Variants in GBA2 observed in about 807,000 individuals in gnomAD.
GBA2 encodes non-lysosomal glucosylceramidase.
A neutral mutation model predicts 112.9 loss-of-function variants in GBA2; 79 were observed. The ratio of observed to expected loss-of-function variants is 0.70; its 90% CI spans 0.58 to 0.84. The LOEUF (loss-of-function observed/expected upper bound fraction) is 0.84. GBA2 is among the 40% of genes least tolerant of loss of function. GBA2 has a pLI of 0.00. For synonymous variants in GBA2, 403 were observed against 434.3 expected (o/e 0.93, Z 0.90); for missense variants, 1,043 against 1,190.0 (o/e 0.88, Z 1.82).
chr9:35,740,545 T>C lies in GBA2; in HGVS notation c.1110A>G (p.Gly370=). Residue 370 remains glycine, a synonymous_variant, in exon 6 of 17, where the codon GGA becomes GGG. Coordinates refer to ENST00000378103, the MANE Select transcript of GBA2 (RefSeq NM_020944.3). The surrounding 1 kb of genome is among the most constrained non-coding windows in gnomAD (Gnocchi z 4.7). ...CATCACCAGTGGGAGAGTCCAGCTGTCCATCCTGAAGTAGATCCTGCCACA... is the reference window on the plus strand; with the variant it reads ...CATCACCAGTGGGAGAGTCCAGCTGCCCATCCTGAAGTAGATCCTGCCACA... ...QQVWQDLLQD[G]QLDSPTGQST... 1 of 1,612,734 alleles carries C rather than the reference T, an allele frequency of 6.2e-7. No individual in the cohort carries two copies. The highest frequency in any genetic ancestry group is 8.5e-7 in the Non-Finnish European group (1 of 1,178,768).
chr9:35,740,797 TAAG>T lies in GBA2; in HGVS notation c.1026+25_1026+27del. The T allele has an allele frequency of 6.2e-7, 1 of 1,612,386 alleles. No individual in the cohort carries two copies. The highest frequency in any genetic ancestry group is 1.3e-5 in the African/African-American group (1 of 74,970). Reference sequence around the variant, plus strand: ...TGGGGTGGAGGTGGGGTTCAGGGGCTAAGGTATAGGGCAGGCTCTTTCCTTACC... The same window carrying T: ...TGGGGTGGAGGTGGGGTTCAGGGGCTGTATAGGGCAGGCTCTTTCCTTACC... On this transcript the variant is annotated intron_variant, in intron 5 of 16. Transcript: ENST00000378103. The surrounding 1 kb of genome is among the most constrained non-coding windows in gnomAD (Gnocchi z 4.7).
Position 35,740,703 on chromosome 9 carries a change from T to A in GBA2, c.1027-75A>T, listed in dbSNP as rs1826611479. On this transcript the variant is annotated intron_variant, in intron 5 of 16. Coordinates refer to ENST00000378103, the MANE Select transcript of GBA2 (RefSeq NM_020944.3). The surrounding 1 kb of genome is among the most constrained non-coding windows in gnomAD (Gnocchi z 4.7). ...TCCCGGCTAGCTCCCCAGCTCCTCTTACTTACTCTTAACCTCCCAGGCCCA... is the reference window on the plus strand; with the variant it reads ...TCCCGGCTAGCTCCCCAGCTCCTCTAACTTACTCTTAACCTCCCAGGCCCA... 5.9e-6 allele frequency: 9 copies of A among 1,523,336 alleles called. No homozygotes were observed. The South Asian group carries it at 1.0e-4, about 17-fold the overall frequency. The allele number at this position is 1,523,336 out of a possible 1,614,324, so 94.4% of individuals were successfully genotyped here. A position where few individuals can be genotyped will look rare whatever the true frequency, so the allele number is the denominator to read the frequency against.
In GBA2 at chr9:35,738,022, C is replaced by G; in HGVS notation, c.2313+15G>C. 1 of 1,595,896 alleles carries G rather than the reference C, an allele frequency of 6.3e-7. No individual in the cohort carries two copies. On this transcript the variant is annotated intron_variant, in intron 15 of 16. Transcript: ENST00000378103. ...AACCCATTTTTCTCTCTGGCTGCTC[C>G]TCCTCCTCTCTCACCTCAGTGTCTC...
chr9:35,743,301 A>T (rs1826801427), intron 3 of GBA2: 1 of 153,466 alleles, frequency 6.5e-6, no homozygotes, highest in Non-Finnish European at 1.5e-5. Flanking sequence ...ATGTTACTAA[A>T]CCTCTCTGGA....
At chr9:35,745,869 A>T (rs1293760020) in intron 1 of GBA2, among the ~76,000 whole-genome samples, 1 of 152,118 alleles carries the variant, frequency 6.6e-6, no homozygotes, top group Non-Finnish European at 1.5e-5. Context: ...CAGTCACACC[A>T]CTTCTAACCA....
chr9:35,744,665 T>C lies in GBA2; in HGVS notation c.401A>G (p.Lys134Arg). 1.2e-6 allele frequency: 2 copies of C among 1,611,292 alleles called. No individual in the cohort carries two copies. The highest frequency in any genetic ancestry group is 2.2e-5 in the South Asian group (2 of 91,012). Reference protein sequence around the residue: ...WWYRKTHVEKKTPFIDMINSV... With the variant: ...WWYRKTHVEKRTPFIDMINSV... The stretch of plus-strand genomic sequence containing the variant: ...ATTGATCATGTCGATGAAAGGTGTC[T>C]TCTTTTCCACATGGGTCTTCCGGTA... The change falls in exon 2 of 17, where the codon AAG (lysine) becomes AGG (arginine). Residue 134 changes from lysine (K) to arginine (R), a missense_variant. Coordinates refer to ENST00000378103, the MANE Select transcript of GBA2 (RefSeq NM_020944.3).
rs771372805 is a variant in GBA2, at chr9:35,740,969, T to A, written c.882A>T (p.Gly294=). 6.2e-6 allele frequency: 10 copies of A among 1,614,148 alleles called. No homozygotes were observed. In the South Asian group the frequency reaches 1.1e-4, roughly 18 times the overall value. ...DVSIMFSMRN[G]LGGGDDAPGG... is the part of the protein sequence containing the mutation. Reference sequence around the variant, plus strand: ...CTGGGGCATCGTCTCCACCACCCAGTCCATTCCGCATGGAGAACATGATGG... The same window carrying A: ...CTGGGGCATCGTCTCCACCACCCAGACCATTCCGCATGGAGAACATGATGG... The change falls in exon 5 of 17, where the codon GGA becomes GGT. Residue 294 remains glycine, a synonymous_variant. Coordinates refer to ENST00000378103, the MANE Select transcript of GBA2 (RefSeq NM_020944.3). This position sits in a 1 kb window ranked among gnomAD's most constrained non-coding sequence, Gnocchi z 4.7.
chr9:35,748,977 G>C lies in GBA2; in HGVS notation c.-273C>G. ...TCGTCATTGAGCCGACGATTAGCTCGCCCGGCCAAAGGGCGACTGGGCCCG... is the reference window on the plus strand; with the variant it reads ...TCGTCATTGAGCCGACGATTAGCTCCCCCGGCCAAAGGGCGACTGGGCCCG... On this transcript the variant is annotated 5_prime_UTR_variant, in exon 1 of 17. Transcript: ENST00000378103. 2 of 318,344 alleles carry C rather than the reference G, an allele frequency of 6.3e-6. No homozygotes were observed. Among genetic ancestry groups the C allele is most frequent in the Non-Finnish European group, 1.1e-5 (2 of 176,520 alleles). The allele number at this position is 318,344 out of a possible 1,614,324, so 19.7% of individuals were successfully genotyped here.
chr9:35,746,918 A>G lies in GBA2; in HGVS notation c.359+1428T>C, dbSNP rs1826997511. On this transcript the variant is annotated intron_variant, in intron 1 of 16. Transcript: ENST00000378103. This position sits in a 1 kb window ranked among gnomAD's most constrained non-coding sequence, Gnocchi z 5.2. Reference sequence around the variant, plus strand: ...GAAATTGAGTTCTTACGAAGGTAAGACCCAGAGAATTCTGTCTTGCTAGAG... The same window carrying G: ...GAAATTGAGTTCTTACGAAGGTAAGGCCCAGAGAATTCTGTCTTGCTAGAG... Among the ~76,000 whole-genome samples, 1 of 152,156 alleles carries G rather than the reference A, an allele frequency of 6.6e-6. No homozygotes were observed.
rs778985234 is a variant in GBA2, at chr9:35,737,828, C to T, written c.2425G>A (p.Val809Ile). 8.4e-5 allele frequency: 136 copies of T among 1,613,800 alleles called. 1 individual carries two copies. The highest frequency in any genetic ancestry group is 4.9e-4 in the Middle Eastern group (3 of 6,084). ...GACTGCACACTGGATTTATCAGGGACACCATGGGGCTGCATCCCATTCACA... is the reference window on the plus strand; with the variant it reads ...GACTGCACACTGGATTTATCAGGGATACCATGGGGCTGCATCCCATTCACA... ...GAVNGMQPHG[V>I]PDKSSVQSDE... The change falls in exon 16 of 17, where the codon GTC becomes ATC. Residue 809 changes from valine to isoleucine, a missense_variant. Coordinates refer to ENST00000378103, the MANE Select transcript of GBA2 (RefSeq NM_020944.3). The surrounding 1 kb of genome is among the most constrained non-coding windows in gnomAD (Gnocchi z 4.1).
chr9:35,748,610 T>C lies in GBA2; in HGVS notation c.95A>G (p.Glu32Gly). Residue 32 changes from glutamate to glycine, a missense_variant, in exon 1 of 17, where the codon GAA (glutamate) becomes GGA (glycine). Glu to Gly is a moderately conservative substitution (Grantham distance 98). Coordinates refer to ENST00000378103, the MANE Select transcript of GBA2 (RefSeq NM_020944.3). ...CACATCCTTGGTGCCGCCAGTCTCT[T>C]CAGGGCAATAAACTTGTGGATCCTC... is the stretch of plus-strand genomic sequence containing the variant. ...AKEDPQVYCP[E>G]ETGGTKDVQV... 1.9e-6 allele frequency: 3 copies of C among 1,613,950 alleles called. No homozygotes were observed. The highest frequency in any genetic ancestry group is 2.7e-5 in the African/African-American group (2 of 75,032).
chr9:35,744,267 G>A (rs370160151), intron 3 of GBA2, 30 bp downstream of exon 3: 61 of 1,264,784 alleles, frequency 4.8e-5, no homozygotes, highest in African/African-American at 1.2e-4. Context: ...GGGAGGTATT[G>A]TCCTGGCCTC....
In GBA2 at chr9:35,740,407, C is replaced by T. The variant is rs1284210196; in HGVS notation, c.1130-45G>A. 2 of 1,604,384 alleles carry T rather than the reference C, an allele frequency of 1.2e-6. No homozygotes were observed. The highest frequency in any genetic ancestry group is 3.3e-5 in the Admixed American group (2 of 59,704). On this transcript the variant is annotated intron_variant, in intron 6 of 16. Transcript: ENST00000378103. This position sits in a 1 kb window ranked among gnomAD's most constrained non-coding sequence, Gnocchi z 4.7. ...ATTCAGGACAGGAGCCCCTTCAGCC[C>T]CAGGGATAGGGATCCCTAACATGGA...
In GBA2 at chr9:35,740,179, T is replaced by G; in HGVS notation, c.1283+30A>C. ...GCCCCAGGTCAGAGCCCCAGCACTC[T>G]GGATCCTTACACTTTCTTGGTCCCC... On this transcript the variant is annotated intron_variant, in intron 7 of 16. Coordinates refer to ENST00000378103, the MANE Select transcript of GBA2 (RefSeq NM_020944.3). The surrounding 1 kb of genome is among the most constrained non-coding windows in gnomAD (Gnocchi z 4.7). 6.8e-6 allele frequency: 11 copies of G among 1,614,002 alleles called. No homozygotes were observed. The highest frequency in any genetic ancestry group is 9.3e-6 in the Non-Finnish European group (11 of 1,179,900).
rs768775425 is a variant in GBA2, at chr9:35,738,077, C to T, written c.2273G>A (p.Trp758Ter). 6.2e-7 allele frequency: 1 copy of T among 1,613,404 alleles called. No homozygotes were observed. The highest frequency in any genetic ancestry group is 1.7e-5 in the Admixed American group (1 of 59,962). The stretch of plus-strand genomic sequence containing the variant: ...TCCTAGGCCACAGGCCTTCAGGAAC[C>T]ACTGTCCAGCACACTGGTCAGACAT... ...SVMSDQCAGQ[W>*]FLKACGLGEG... Residue 758 changes from tryptophan (W) to a stop codon, truncating the protein, a stop_gained, in exon 15 of 17, where the codon TGG becomes TAG. Coordinates refer to ENST00000378103, the MANE Select transcript of GBA2 (RefSeq NM_020944.3). LOFTEE classifies it high-confidence loss of function.
rs757698986 is a variant in GBA2, at chr9:35,741,062, G to A, written c.789C>T (p.Asp263=). The change falls in exon 5 of 17, where the codon GAC becomes GAT. Residue 263 remains aspartate, a splice_region_variant and synonymous_variant. Transcript: ENST00000378103. This position sits in a 1 kb window ranked among gnomAD's most constrained non-coding sequence, Gnocchi z 4.6. The stretch of plus-strand genomic sequence containing the variant: ...CAAAGACTCCTACAGGCAGGCTGCT[G>A]TCCTGGGGGCAGAAGATTAGACTCA... The part of the protein sequence containing the change: ...ITPILPHDYQ[D]SSLPVGVFVW... 5 of 1,613,998 alleles carry A rather than the reference G, an allele frequency of 3.1e-6. No individual in the cohort carries two copies. Among genetic ancestry groups the A allele is most frequent in the Admixed American group, 1.7e-5 (1 of 60,022 alleles).
At position 35,741,129 on chromosome 9, in the gene GBA2, A is replaced by T; in HGVS notation, c.787-65T>A. On this transcript the variant is annotated intron_variant, in intron 4 of 16. Coordinates refer to ENST00000378103, the MANE Select transcript of GBA2 (RefSeq NM_020944.3). The surrounding 1 kb of genome is among the most constrained non-coding windows in gnomAD (Gnocchi z 4.6). Reference sequence around the variant, plus strand: ...CGCCTCCTGACCCCACTCTGCTAGGATCAGTCCTGGGCACACAGAGGACCT... The same window carrying T: ...CGCCTCCTGACCCCACTCTGCTAGGTTCAGTCCTGGGCACACAGAGGACCT... 6.3e-7 allele frequency: 1 copy of T among 1,579,424 alleles called. No homozygotes were observed. The highest frequency in any genetic ancestry group is 8.6e-7 in the Non-Finnish European group (1 of 1,157,422).
At position 35,737,251 on chromosome 9, in the gene GBA2, G is replaced by C. The variant is rs754527190; in HGVS notation, c.2702C>G (p.Pro901Arg). The change falls in exon 17 of 17, where the codon CCA becomes CGA. Residue 901 changes from proline (P) to arginine (R), a missense_variant. By Grantham distance (103) the Pro-to-Arg change is moderately radical (BLOSUM62 -2). Coordinates refer to ENST00000378103, the MANE Select transcript of GBA2 (RefSeq NM_020944.3). This position sits in a 1 kb window ranked among gnomAD's most constrained non-coding sequence, Gnocchi z 4.1. Reference sequence around the variant, plus strand: ...TAGTCCTGTGCCCTGTTTGACTTTTGGCCAGGAGGCCTTTTTGTGCTGCTG... The same window carrying C: ...TAGTCCTGTGCCCTGTTTGACTTTTCGCCAGGAGGCCTTTTTGTGCTGCTG... ...QQQQHKKASW[P>R]KVKQGTGLRT... is the part of the protein sequence containing the mutation. The C allele has an allele frequency of 2.5e-6, 4 of 1,613,838 alleles. No individual in the cohort carries two copies. The East Asian group carries it at 8.9e-5, about 36-fold the overall frequency.
At position 35,740,325 on chromosome 9, in the gene GBA2, A is replaced by G. The variant is rs1826577081; in HGVS notation, c.1167T>C (p.Ala389=). 1 of 1,613,950 alleles carries G rather than the reference A, an allele frequency of 6.2e-7. No homozygotes were observed. The highest frequency in any genetic ancestry group is 8.5e-7 in the Non-Finnish European group (1 of 1,180,006). ...STPTQKGVGI[A]GAVCVSSKLR... ...ACTTGCTGGAAACACACACAGCTCC[A>G]GCAATGCCTACTCCTTTCTGCGTAG... is the stretch of plus-strand genomic sequence containing the variant. Residue 389 remains alanine, a synonymous_variant, in exon 7 of 17, where the codon GCT becomes GCC. Coordinates refer to ENST00000378103, the MANE Select transcript of GBA2 (RefSeq NM_020944.3). This position sits in a 1 kb window ranked among gnomAD's most constrained non-coding sequence, Gnocchi z 4.7.
Sources: gnomAD v4.1 joint callset for allele counts (sites outside exome capture counted in the v4.1 genomes callset) on GRCh38, gnomAD v4.1.1 for gene constraint, Gnocchi (gnomAD v3.1) non-coding constraint, MANE v1.5 for transcripts, NCBI Gene and HGNC (gene_info 2026-07-23, HGNC 2026-07-21) for gene names.